The following PDE6A variants were observed in gnomAD, a reference collection of about 807,000 sequenced individuals.
The protein encoded by PDE6A is rod cGMP-specific 3',5'-cyclic phosphodiesterase subunit alpha.
Under a neutral mutation model 106.3 loss-of-function variants are expected in PDE6A, and 84 were observed. The observed-to-expected ratio is 0.79, with a 90% CI of 0.66 to 0.95. PDE6A has a LOEUF of 0.95. Among genes scored for constraint, PDE6A ranks in the 40% least tolerant of loss-of-function variants. The pLI is 0.00. For synonymous variants in PDE6A, 394 were observed against 386.6 expected, an observed-to-expected ratio of 1.02 and a Z score of -0.23; for missense variants, 1,052 against 1,084.9, an observed-to-expected ratio of 0.97 and a Z score of 0.43.
intron 14 of PDE6A, 148 bp from the exon 15 acceptor site, chr5:149,885,015 A>T: frequency 1.4e-6 from 1 of 699,728 alleles, no homozygotes; most frequent in Non-Finnish European, 2.6e-6. Context: ...TCTACTAAAT[A>T]GCATGGACCC....
intron 1 of PDE6A, among the ~76,000 whole-genome samples, chr5:149,941,824 A>C (rs919146978): frequency 5.3e-5 from 8 of 152,208 alleles, no homozygotes; most frequent in Non-Finnish European, 1.5e-5. Context: ...ACTGACAGAA[A>C]CTGAATATGA....
chr5:149,918,925 A>G (rs1360524726), intron 5 of PDE6A, among the ~76,000 whole-genome samples: 3 of 152,136 alleles, frequency 2.0e-5, no homozygotes, highest in Admixed American at 1.3e-4. Context: ...ACCTGGCACA[A>G]CAAACTTTCT....
intron 17 of PDE6A, among the ~76,000 whole-genome samples, chr5:149,880,652 G>C (rs532054557): frequency 1.3e-5 from 2 of 152,094 alleles, no homozygotes; most frequent in African/African-American, 4.8e-5. Flanking sequence ...AGTGGAAGTT[G>C]CAGTGAGCCG....
intron 8 of PDE6A, among the ~76,000 whole-genome samples, chr5:149,902,054 G>A (rs1376921815): frequency 6.6e-6 from 1 of 152,150 alleles, no homozygotes; most frequent in Non-Finnish European, 1.5e-5. Context: ...CTGACACGGA[G>A]ACAAGGATAA....
chr5:149,939,588 A>G (rs978573912), intron 1 of PDE6A, among the ~76,000 whole-genome samples: 3 of 152,206 alleles, frequency 2.0e-5, no homozygotes, highest in Non-Finnish European at 2.9e-5. Context: ...AATAGGAGCC[A>G]TTACGGTGTG....
intron 4 of PDE6A, among the ~76,000 whole-genome samples, chr5:149,923,219 C>G (rs376783558): frequency 6.6e-6 from 1 of 152,044 alleles, no homozygotes; most frequent in Non-Finnish European, 1.5e-5. Flanking sequence ...TGGCCAAGGT[C>G]GGGCACGGTG....
chr5:149,887,974 G>GTA (rs1198691836), intron 13 of PDE6A, among the ~76,000 whole-genome samples: 1 of 152,048 alleles, frequency 6.6e-6, no homozygotes, highest in African/African-American at 2.4e-5. Flanking sequence ...CTTTCTGTGT[G>GTA]TGTGTGTGTG....
At chr5:149,870,684 T>C (rs903562137) in intron 17 of PDE6A, among the ~76,000 whole-genome samples, 1 of 149,032 alleles carries the variant, frequency 6.7e-6, no homozygotes, top group African/African-American at 2.5e-5. Flanking sequence ...CTCCCCCTTA[T>C]ATGCACTGGG....
Position 149,863,313 on chromosome 5 carries a change from G to A in PDE6A, c.2359-47C>T, listed in dbSNP as rs768158931. On this transcript the variant is annotated intron_variant, in intron 20 of 21. Coordinates refer to ENST00000255266, the MANE Select transcript of PDE6A (RefSeq NM_000440.3). This position sits in a 1 kb window ranked among gnomAD's most constrained non-coding sequence, Gnocchi z 4.7. ...TCTGGTGCAAGGGCCAGGCCACAGG[G>A]TCTGGGCTCAAGCGGGTGGCACAGC... is the stretch of plus-strand genomic sequence containing the variant. The A allele has an allele frequency of 1.9e-6, 3 of 1,606,110 alleles. No homozygotes were observed. The East Asian group carries it at 6.7e-5, about 36-fold the overall frequency.
Position 149,896,409 on chromosome 5 carries a change from T to G in PDE6A, c.1567A>C (p.Ile523Leu). Residue 523 changes from isoleucine to leucine, a missense_variant, in exon 12 of 22, where the codon ATA becomes CTA. By Grantham distance (5) the Ile-to-Leu change is conservative. This residue lies in a region of PDE6A where 913 missense variants were observed against 915.2 expected (regional missense o/e 1.00). Transcript: ENST00000255266. ...LTELELVKCGIQMYYELKVVD... is the reference protein window; with the variant it reads ...LTELELVKCGLQMYYELKVVD... Reference sequence around the variant, plus strand: ...ACTTTGAGCTCATAATACATCTGTATTCCACATTTTACCAGCTCCAGTTCT... The same window carrying G: ...ACTTTGAGCTCATAATACATCTGTAGTCCACATTTTACCAGCTCCAGTTCT... 1 of 1,614,164 alleles carries G rather than the reference T, an allele frequency of 6.2e-7. No homozygotes were observed. The highest frequency in any genetic ancestry group is 8.5e-7 in the Non-Finnish European group (1 of 1,179,968).
At chr5:149,902,779 G>A (rs1157540126) in intron 8 of PDE6A, among the ~76,000 whole-genome samples, 5 of 150,680 alleles carry the variant, frequency 3.3e-5, no homozygotes, top group East Asian at 2.0e-4. Flanking sequence ...CCGAGATCAC[G>A]CCACTGCACT....
intron 17 of PDE6A, among the ~76,000 whole-genome samples, chr5:149,872,113 C>T (rs935914680): frequency 1.3e-4 from 20 of 152,288 alleles, no homozygotes; most frequent in Non-Finnish European, 1.9e-4. Context: ...AATAGGACAA[C>T]AGTGCAAAAT....
At chr5:149,893,022 T>TA (rs1752600584) in intron 13 of PDE6A, among the ~76,000 whole-genome samples, 1 of 152,220 alleles carries the variant, frequency 6.6e-6, no homozygotes, top group Non-Finnish European at 1.5e-5. Context: ...ACCTCATTTA[T>TA]CTTCCACTTT....
At chr5:149,898,644 G>T in intron 9 of PDE6A, 138 bp from the exon 10 acceptor site, 1 of 798,134 alleles carries the variant, frequency 1.3e-6, no homozygotes, top group Non-Finnish European at 2.0e-6. Context: ...TGCCCACCTT[G>T]CGGAGTTCTT....
chr5:149,899,665 T>A, intron 8 of PDE6A, 141 bp from the exon 9 acceptor site: 1 of 860,098 alleles, frequency 1.2e-6, no homozygotes, highest in Non-Finnish European at 2.0e-6. Flanking sequence ...CGCATGAGTT[T>A]AATTACCGAC....
At chr5:149,894,340 A>G (rs1425145519) in intron 13 of PDE6A, among the ~76,000 whole-genome samples, 1 of 152,138 alleles carries the variant, frequency 6.6e-6, no homozygotes, top group Non-Finnish European at 1.5e-5. Flanking sequence ...ATTTAAGGAA[A>G]TTTCAGAAAA....
At chr5:149,868,074 T>G (rs111830959) in intron 18 of PDE6A, 21 bp downstream of exon 18, 64,776 of 1,611,862 alleles carry the variant, frequency 0.04, 1,672 homozygotes, top group Admixed American at 0.1. Flanking sequence ...CCCCTCCTCT[T>G]GGGTCAGCAG....
At chr5:149,936,202 G>GAAGGAAGGAAGGAAGGAAGA (rs1754180092) in intron 1 of PDE6A, among the ~76,000 whole-genome samples, 1 of 150,746 alleles carries the variant, frequency 6.6e-6, no homozygotes, top group Non-Finnish European at 1.5e-5. Context: ...AGGAAGGAAG[G>GAAGGAAGGAAGGAAGGAAGA]AATTCAGAGC....
intron 13 of PDE6A, among the ~76,000 whole-genome samples, chr5:149,892,855 T>C (rs774267384): frequency 3.3e-5 from 5 of 152,222 alleles, no homozygotes; most frequent in Non-Finnish European, 7.3e-5. Context: ...TACAAAGATA[T>C]TTTAAACACA....
Sources: allele counts gnomAD v4.1 joint callset (sites outside exome capture counted in the v4.1 genomes callset), GRCh38; gene constraint gnomAD v4.1.1; regional missense constraint gnomAD v4.1.1; non-coding constraint Gnocchi (gnomAD v3.1); transcripts MANE v1.5; gene names NCBI Gene and HGNC (gene_info 2026-07-23, HGNC 2026-07-21).